The following CPED1 variants were observed in gnomAD, a reference collection of about 807,000 sequenced individuals.
CPED1 encodes the protein cadherin-like and PC-esterase domain-containing protein 1.
A neutral mutation model predicts 128.2 loss-of-function variants in CPED1; 114 were observed. The observed-to-expected ratio is 0.89, with a 90% CI of 0.76 to 1.04. The LOEUF (loss-of-function observed/expected upper bound fraction) is 1.04. CPED1 is among the 50% of genes least tolerant of loss of function. CPED1 has a pLI of 0.00. For synonymous variants in CPED1, 462 were observed against 426.7 expected (o/e 1.08, Z -1.02); for missense variants, 1,211 against 1,207.1 (o/e 1.00, Z -0.05).
At chr7:121,243,052 A>G (rs1261044658) in intron 17 of CPED1, among the ~76,000 whole-genome samples, 2 of 152,152 alleles carry the variant, frequency 1.3e-5, no homozygotes, top group Non-Finnish European at 2.9e-5. Flanking sequence ...ATATAACACC[A>G]GATACCATTA....
At position 121,266,249 on chromosome 7, in the gene CPED1, C is replaced by G; in HGVS notation, c.2333C>G (p.Thr778Ser). ...GRKILFIGDS[T>S]NRGIMYYLIE... is the part of the protein sequence containing the mutation. ...TAGATTCTGTTCATTGGAGATTCAA[C>G]CAACAGAGGGATCATGTACTATCTT... Residue 778 changes from threonine (T) to serine (S), a missense_variant, in exon 19 of 23, where the codon ACC (threonine) becomes AGC (serine). Physicochemically the swap from Thr to Ser is moderately conservative, Grantham distance 58. Transcript: ENST00000310396. 1 of 1,612,286 alleles carries G rather than the reference C, an allele frequency of 6.2e-7. No individual in the cohort carries two copies. Among genetic ancestry groups the G allele is most frequent in the Non-Finnish European group, 8.5e-7 (1 of 1,178,742 alleles).
chr7:121,033,265 G>A (rs1585029572), intron 3 of CPED1, among the ~76,000 whole-genome samples: 4 of 152,128 alleles, frequency 2.6e-5, no homozygotes, highest in African/African-American at 7.2e-5. Flanking sequence ...TGTGGGTCAG[G>A]GTTAGAAGAG....
At chr7:121,163,006 G>T (rs1376647291) in intron 16 of CPED1, among the ~76,000 whole-genome samples, 8 of 152,198 alleles carry the variant, frequency 5.3e-5, no homozygotes, top group Non-Finnish European at 1.0e-4. Context: ...AAGGAAATTA[G>T]AAATACTCTT....
chr7:121,180,279 C>T (rs2116495569), intron 16 of CPED1, among the ~76,000 whole-genome samples: 1 of 152,108 alleles, frequency 6.6e-6, no homozygotes, highest in East Asian at 1.9e-4. Flanking sequence ...AGCTGATGGC[C>T]TATTTTACCT....
chr7:121,141,937 TTCATATTCTATTTCTCTCTC>T lies in CPED1; in HGVS notation c.1887-35_1887-16del. The T allele has an allele frequency of 1.9e-6, 3 of 1,576,526 alleles. No homozygotes were observed. The highest frequency in any genetic ancestry group is 2.6e-6 in the Non-Finnish European group (3 of 1,148,176). ...GTTTGGGCTGAATAAATCTCCCCTA[TTCATATTCTATTTCTCTCTC>T]CCTCTTTCTCTCCAGCTTTGCCAGC... is the stretch of plus-strand genomic sequence containing the variant. On this transcript the variant is annotated splice_polypyrimidine_tract_variant and intron_variant, in intron 15 of 22. Transcript: ENST00000310396.
At chr7:121,171,290 C>G (rs1226682734) in intron 16 of CPED1, among the ~76,000 whole-genome samples, 1 of 152,152 alleles carries the variant, frequency 6.6e-6, no homozygotes, top group Non-Finnish European at 1.5e-5. Flanking sequence ...TACGCTTTTA[C>G]ATATTTTCCA....
chr7:120,998,098 G>A (rs1274118819), intron 2 of CPED1, among the ~76,000 whole-genome samples: 1 of 152,068 alleles, frequency 6.6e-6, no homozygotes, highest in Non-Finnish European at 1.5e-5. Flanking sequence ...AAAGATTGCG[G>A]CAAACCCCCG....
chr7:121,181,824 GT>G (rs1359506340), intron 16 of CPED1, among the ~76,000 whole-genome samples: 1 of 152,106 alleles, frequency 6.6e-6, no homozygotes, highest in African/African-American at 2.4e-5. Context: ...CACACACCTA[GT>G]TCCTGGCAAG....
Position 121,125,685 on chromosome 7 carries a change from C to A in CPED1, c.1062-135C>A. On this transcript the variant is annotated intron_variant, in intron 8 of 22. Transcript: ENST00000310396. ...CATAGTATTCCATGGTGTGTATGTG[C>A]CACATTTTCTTTATCCAGTCTATCA... The A allele has an allele frequency of 1.2e-5, 8 of 655,712 alleles. No individual in the cohort carries two copies. In the South Asian group the frequency reaches 1.4e-4, roughly 12 times the overall value. 40.6% of individuals were successfully genotyped at this position (655,712 alleles called of 1,614,324 possible).
At chr7:121,019,608 T>C (rs984289900) in intron 3 of CPED1, among the ~76,000 whole-genome samples, 7 of 152,046 alleles carry the variant, frequency 4.6e-5, no homozygotes, top group Admixed American at 2.6e-4. Flanking sequence ...TGCTATTACA[T>C]TGCCTATGAT....
chr7:121,261,157 C>A (rs1028518202), intron 18 of CPED1, among the ~76,000 whole-genome samples: 1 of 151,982 alleles, frequency 6.6e-6, no homozygotes, highest in African/African-American at 2.4e-5. Flanking sequence ...ATTGTTAGTT[C>A]CCTTCATGAA....
At chr7:121,290,523 A>G (rs928594093) in intron 22 of CPED1, among the ~76,000 whole-genome samples, 1 of 152,128 alleles carries the variant, frequency 6.6e-6, no homozygotes, top group Non-Finnish European at 1.5e-5. Flanking sequence ...ATGGTATCTC[A>G]TTGTGGTTTT....
chr7:121,132,663 A>G (rs1223395953), intron 12 of CPED1, among the ~76,000 whole-genome samples: 2 of 152,054 alleles, frequency 1.3e-5, no homozygotes, highest in Non-Finnish European at 2.9e-5. Flanking sequence ...GTTGCATTGT[A>G]CATTACTCTA....
At chr7:121,047,844 G>C (rs1292626808) in intron 4 of CPED1, among the ~76,000 whole-genome samples, 1 of 151,260 alleles carries the variant, frequency 6.6e-6, no homozygotes, top group Admixed American at 6.6e-5. Flanking sequence ...CGGTGGTAGC[G>C]GGCGCCCGTA....
intron 7 of CPED1, among the ~76,000 whole-genome samples, chr7:121,119,954 G>A (rs968140865): frequency 4.6e-5 from 7 of 152,098 alleles, no homozygotes; most frequent in Admixed American, 4.6e-4. Flanking sequence ...AGCGAATATT[G>A]TCAAGGGTCA....
At chr7:121,261,564 G>T in intron 18 of CPED1, 1 of 1,565,848 alleles carries the variant, frequency 6.4e-7, no homozygotes. Context: ...ATATGATCAG[G>T]AATGATGTGA....
chr7:121,272,173 C>T (rs532954136), intron 22 of CPED1, among the ~76,000 whole-genome samples: 3 of 152,188 alleles, frequency 2.0e-5, no homozygotes, highest in African/African-American at 7.2e-5. Flanking sequence ...CATCCCCCAG[C>T]TTAGGTTTCC....
chr7:121,132,236 C>T (rs1795687710), intron 12 of CPED1, among the ~76,000 whole-genome samples: 1 of 151,992 alleles, frequency 6.6e-6, no homozygotes, highest in Non-Finnish European at 1.5e-5. Flanking sequence ...GTTGTTTGTT[C>T]AGGTTACAAA....
intron 17 of CPED1, among the ~76,000 whole-genome samples, chr7:121,239,848 C>T (rs1224130459): frequency 1.3e-5 from 2 of 152,092 alleles, no homozygotes; most frequent in Non-Finnish European, 2.9e-5. Context: ...CAATTTCATT[C>T]CTCAGAATGT....
Sources: gnomAD v4.1 joint callset for allele counts (sites outside exome capture counted in the v4.1 genomes callset) on GRCh38, gnomAD v4.1.1 for gene constraint, MANE v1.5 for transcripts, NCBI Gene and HGNC (gene_info 2026-07-23, HGNC 2026-07-21) for gene names.